The following WWTR1 variants were observed in gnomAD, a reference collection of about 807,000 sequenced individuals.
The protein encoded by WWTR1 is WW domain containing transcription regulator 1.
In WWTR1, 13 loss-of-function variants were observed where a neutral mutation model predicts 40.1. The ratio of observed to expected loss-of-function variants is 0.32; its 90% CI spans 0.21 to 0.52. WWTR1 has a LOEUF of 0.52. Ranked by LOEUF, WWTR1 falls within the 20% of genes least tolerant of loss-of-function variation. WWTR1 has a pLI of 0.97. For missense variants in WWTR1, 436 were observed against 523.1 expected (o/e 0.83, Z 1.63); for synonymous variants, 230 against 210.1 (o/e 1.09, Z -0.82).
chr3:149,574,603 C>A (rs922616792), intron 2 of WWTR1, among the ~76,000 whole-genome samples: 1 of 152,184 alleles, frequency 6.6e-6, no homozygotes, highest in Admixed American at 6.5e-5. Flanking sequence ...AGTCTAGAAA[C>A]TTCCTTGCAT....
intron 4 of WWTR1, among the ~76,000 whole-genome samples, chr3:149,534,701 A>C (rs2107922970): frequency 6.6e-6 from 1 of 152,140 alleles, no homozygotes; most frequent in East Asian, 1.9e-4. Context: ...CAACAAATTT[A>C]TTTTTGTCTA....
At chr3:149,708,553 T>A (rs978346793) in intron 5 of WWTR1, among the ~76,000 whole-genome samples, 1 of 152,220 alleles carries the variant, frequency 6.6e-6, no homozygotes, top group Non-Finnish European at 1.5e-5. Flanking sequence ...AGGTATCTCA[T>A]ATAAGTGGAA....
intron 5 of WWTR1, among the ~76,000 whole-genome samples, chr3:149,715,233 ACCTGCGGCCCTT>A (rs956460690): frequency 6.6e-6 from 1 of 152,186 alleles, no homozygotes; most frequent in Non-Finnish European, 1.5e-5. Context: ...AGGAGAGAAC[ACCTGCGGCCCTT>A]CAGGGAGCCC....
At chr3:149,531,874 T>C (rs1014129052) in intron 4 of WWTR1, among the ~76,000 whole-genome samples, 2 of 152,180 alleles carry the variant, frequency 1.3e-5, no homozygotes, top group Non-Finnish European at 2.9e-5. Flanking sequence ...CAGTGGGTAC[T>C]TGGAAATATA....
chr3:149,570,248 G>A (rs4681184), intron 3 of WWTR1, among the ~76,000 whole-genome samples: 8,765 of 152,224 alleles, frequency 0.058, 836 homozygotes, highest in East Asian at 0.41. Context: ...CAGAATGTGC[G>A]TCTTGAGAAA....
chr3:149,521,335 G>A (rs1453530382), intron 6 of WWTR1, among the ~76,000 whole-genome samples: 3 of 152,144 alleles, frequency 2.0e-5, no homozygotes, highest in Non-Finnish European at 4.4e-5. Context: ...ATAATCTACA[G>A]GTTTCATTGT....
At chr3:149,685,983 T>C (rs888601683) in intron 1 of WWTR1, among the ~76,000 whole-genome samples, 1 of 152,142 alleles carries the variant, frequency 6.6e-6, no homozygotes, top group African/African-American at 2.4e-5. Context: ...CTTAAAGATC[T>C]TTTTTTGATC....
chr3:149,534,309 G>T (rs1735727220), intron 4 of WWTR1, among the ~76,000 whole-genome samples: 1 of 152,132 alleles, frequency 6.6e-6, no homozygotes, highest in Admixed American at 6.5e-5. Context: ...TCTCAGTGTG[G>T]CAGAGAAAGA....
At chr3:149,565,002 C>T (rs964991873) in intron 3 of WWTR1, among the ~76,000 whole-genome samples, 5 of 151,916 alleles carry the variant, frequency 3.3e-5, no homozygotes, top group African/African-American at 9.7e-5. Context: ...ACCTGGCCAA[C>T]GTGGTGAAAA....
chr3:149,704,064 A>G (rs1381606499), upstream of WWTR1, among the ~76,000 whole-genome samples: 2 of 152,066 alleles, frequency 1.3e-5, no homozygotes, highest in African/African-American at 4.8e-5. Flanking sequence ...TGCAGCCTTG[A>G]ACTTCTGAGC....
chr3:149,528,053 C>T, intron 4 of WWTR1, 84 bp from the exon 5 acceptor site: 4 of 1,511,870 alleles, frequency 2.6e-6, no homozygotes, highest in Non-Finnish European at 2.7e-6. Flanking sequence ...AAACTTTTCA[C>T]CAAATACAAA....
At position 149,519,464 on chromosome 3, in the gene WWTR1, C is replaced by T. The variant is rs957610768; in HGVS notation, c.*1341G>A. The stretch of plus-strand genomic sequence containing the variant: ...AAACACTTGAAATCTAGGAAGCAAA[C>T]CTGACAAGGCTTCAGAATTTAAAAA... On this transcript the variant is annotated 3_prime_UTR_variant, in exon 7 of 7. Transcript: ENST00000360632. 3.9e-5 allele frequency: 6 copies of T among 152,132 alleles called. No individual in the cohort carries two copies. The highest frequency in any genetic ancestry group is 7.3e-5 in the Non-Finnish European group (5 of 68,034). 9.4% of individuals were successfully genotyped at this position (152,132 alleles called of 1,614,324 possible).
intron 2 of WWTR1, among the ~76,000 whole-genome samples, chr3:149,650,345 C>T (rs1256943259): frequency 6.6e-6 from 1 of 152,210 alleles, no homozygotes; most frequent in Non-Finnish European, 1.5e-5. Context: ...TCACAGAGTT[C>T]TAATCCCATC....
chr3:149,678,050 C>T (rs527552078), intron 1 of WWTR1, among the ~76,000 whole-genome samples: 32 of 151,822 alleles, frequency 2.1e-4, no homozygotes, highest in African/African-American at 5.8e-4. Flanking sequence ...GGATTACAGG[C>T]GGGGGCCACC....
upstream of WWTR1, among the ~76,000 whole-genome samples, chr3:149,704,157 A>T (rs927984350): frequency 2.0e-5 from 3 of 152,178 alleles, no homozygotes; most frequent in Non-Finnish European, 4.4e-5. Flanking sequence ...ATATCTTTTT[A>T]AAAATGCTGA....
intron 3 of WWTR1, among the ~76,000 whole-genome samples, chr3:149,563,526 T>A (rs915721967): frequency 6.6e-6 from 1 of 152,212 alleles, no homozygotes; most frequent in Non-Finnish European, 1.5e-5. Context: ...AGCATTCACT[T>A]ACCCAATGCT....
rs942107834 is a variant in WWTR1 at position 149,517,801 on chromosome 3, T to C, written c.*3004A>G. On this transcript the variant is annotated 3_prime_UTR_variant, in exon 7 of 7. Transcript: ENST00000360632. ...TTGCAATTAGGTTTTGACAATGTATTTACTTCAAGACAATGTATTTTATCA... is the reference window on the plus strand; with the variant it reads ...TTGCAATTAGGTTTTGACAATGTATCTACTTCAAGACAATGTATTTTATCA... 2 of 152,218 alleles carry C rather than the reference T, an allele frequency of 1.3e-5. No homozygotes were observed. The highest frequency in any genetic ancestry group is 2.9e-5 in the Non-Finnish European group (2 of 68,028). The allele number at this position is 152,218 out of a possible 1,614,324, so 9.4% of individuals were successfully genotyped here. A position where few individuals can be genotyped will look rare whatever the true frequency, so the allele number is the denominator to read the frequency against.
At chr3:149,574,966 C>T (rs1372993645) in intron 2 of WWTR1, among the ~76,000 whole-genome samples, 2 of 151,894 alleles carry the variant, frequency 1.3e-5, no homozygotes, top group East Asian at 1.9e-4. Flanking sequence ...TGGTGATGCA[C>T]GCGTGTAACC....
chr3:149,618,099 T>C (rs1740078793), intron 2 of WWTR1, among the ~76,000 whole-genome samples: 1 of 152,238 alleles, frequency 6.6e-6, no homozygotes, highest in East Asian at 1.9e-4. Flanking sequence ...TTTTAAAGGC[T>C]ACTGTCAATT....
Sources: gnomAD v4.1 joint callset for allele counts (sites outside exome capture counted in the v4.1 genomes callset) on GRCh38, gnomAD v4.1.1 for gene constraint, MANE v1.5 for transcripts, NCBI Gene and HGNC (gene_info 2026-07-23, HGNC 2026-07-21) for gene names.